Variants in KLHL32 observed in about 807,000 individuals in gnomAD.
The protein encoded by KLHL32 is kelch-like protein 32.
In KLHL32, 35 loss-of-function variants were observed where a neutral mutation model predicts 64.8. The ratio of observed to expected loss-of-function variants is 0.54; its 90% CI spans 0.41 to 0.72. The LOEUF is 0.72. Ranked by LOEUF, KLHL32 falls within the 30% of genes least tolerant of loss-of-function variation. KLHL32 has a pLI of 0.00. For missense variants in KLHL32, 589 were observed against 768.5 expected (o/e 0.77, Z 2.76); for synonymous variants, 259 against 281.0 (o/e 0.92, Z 0.78).
intron 3 of KLHL32, among the ~76,000 whole-genome samples, chr6:97,034,157 A>C (rs1367427120): frequency 6.6e-6 from 1 of 151,912 alleles, no homozygotes; most frequent in Non-Finnish European, 1.5e-5. Context: ...TTCAAGTCTT[A>C]CATTTAAGTC....
chr6:97,062,103 A>G (rs985804868), intron 4 of KLHL32, among the ~76,000 whole-genome samples: 2 of 152,190 alleles, frequency 1.3e-5, no homozygotes, highest in African/African-American at 4.8e-5. Context: ...GACAAAAACA[A>G]TCGCCGTATG....
intron 10 of KLHL32, among the ~76,000 whole-genome samples, chr6:97,133,882 A>G (rs959013843): frequency 2.6e-5 from 4 of 152,334 alleles, no homozygotes; most frequent in South Asian, 4.1e-4. Context: ...CTTAGCATAC[A>G]TGGAACATTT....
intron 1 of KLHL32, among the ~76,000 whole-genome samples, chr6:96,934,876 T>G (rs551063649): frequency 6.6e-6 from 1 of 152,308 alleles, no homozygotes; most frequent in South Asian, 2.1e-4. Context: ...AGGTTAGTAG[T>G]GAACTGCTGC....
At chr6:96,990,341 G>A (rs187540424) in intron 3 of KLHL32, among the ~76,000 whole-genome samples, 65 of 152,216 alleles carry the variant, frequency 4.3e-4, no homozygotes, top group African/African-American at 1.6e-3. Context: ...GTTTTTATGG[G>A]GGTGGGGGTT....
chr6:97,130,919 T>C lies in KLHL32; in HGVS notation c.1576T>C (p.Trp526Arg), dbSNP rs1400512395. ...IDSYNIDTDQ[W>R]TRCNFNLLTG... ...TTCTTACAACATAGACACTGACCAG[T>C]GGACACGTTGTAATTTCAACCTGCT... The change falls in exon 9 of 11, where the codon TGG becomes CGG. Residue 526 changes from tryptophan to arginine, a missense_variant. Trp to Arg is a moderately radical substitution (Grantham distance 101, BLOSUM62 -3). Transcript: ENST00000369261. 1 of 1,612,524 alleles carries C rather than the reference T, an allele frequency of 6.2e-7. No individual in the cohort carries two copies. Among genetic ancestry groups the C allele is most frequent in the Non-Finnish European group, 8.5e-7 (1 of 1,179,464 alleles).
At position 97,085,355 on chromosome 6, in the gene KLHL32, G is replaced by T. The variant is rs759831623; in HGVS notation, c.627+14G>T. On this transcript the variant is annotated intron_variant, in intron 6 of 10. Coordinates refer to ENST00000369261, the MANE Select transcript of KLHL32 (RefSeq NM_052904.4). ...CAGATCTGGCAGGTAAGGGCGCTGT[G>T]CACGGTCGCTTTTGGCACTGAAAAA... 6.2e-7 allele frequency: 1 copy of T among 1,609,242 alleles called. No homozygotes were observed. Among genetic ancestry groups the T allele is most frequent in the Non-Finnish European group, 8.5e-7 (1 of 1,177,470 alleles).
rs1239866620 is a variant in KLHL32, at chr6:97,114,467, T to C, written c.1312T>C (p.Cys438Arg). 6.2e-7 allele frequency: 1 copy of C among 1,614,170 alleles called. No individual in the cohort carries two copies. The highest frequency in any genetic ancestry group is 1.3e-5 in the African/African-American group (1 of 75,068). The change falls in exon 7 of 11, where the codon TGC becomes CGC. Residue 438 changes from cysteine (C) to arginine (R), a missense_variant. Transcript: ENST00000369261. ...FVQSFDRSLS[C>R]HAGYVADGLL... ...TCAGTCCTTTGACAGATCCCTTTCA[T>C]GCCATGCTGGATATGTGGCTGATGG...
chr6:96,928,060 C>T (rs1216315848), intron 1 of KLHL32, among the ~76,000 whole-genome samples: 1 of 152,172 alleles, frequency 6.6e-6, no homozygotes, highest in African/African-American at 2.4e-5. Context: ...TCAACTGTTA[C>T]CTAATGCAGG....
chr6:97,129,517 C>G (rs1343065333), intron 8 of KLHL32, among the ~76,000 whole-genome samples: 1 of 152,176 alleles, frequency 6.6e-6, no homozygotes, highest in Non-Finnish European at 1.5e-5. Flanking sequence ...GTTGGGCATA[C>G]TCTTCCCATT....
intron 8 of KLHL32, among the ~76,000 whole-genome samples, chr6:97,130,032 T>G (rs1299617247): frequency 6.6e-6 from 1 of 152,238 alleles, no homozygotes; most frequent in Non-Finnish European, 1.5e-5. Flanking sequence ...GGTGGTTTGT[T>G]GCTGAACCAA....
chr6:97,025,569 G>A (rs1046847544), intron 3 of KLHL32, among the ~76,000 whole-genome samples: 3 of 152,216 alleles, frequency 2.0e-5, no homozygotes, highest in African/African-American at 7.2e-5. Flanking sequence ...TTGAAGAAGT[G>A]GAGGAGAGGA....
chr6:96,914,230 G>T, the KLHL32 span, among the ~76,000 whole-genome samples: 1 of 152,118 alleles, frequency 6.6e-6, no homozygotes, highest in Non-Finnish European at 1.5e-5. Flanking sequence ...TGAGACCCAT[G>T]CTAGATTTCT....
At chr6:97,105,821 G>A (rs988367618) in intron 6 of KLHL32, among the ~76,000 whole-genome samples, 5 of 152,078 alleles carry the variant, frequency 3.3e-5, no homozygotes, top group Non-Finnish European at 1.5e-5. Context: ...TTCTTTGTTA[G>A]CATTGCTTTA....
the KLHL32 span, among the ~76,000 whole-genome samples, chr6:96,913,886 T>A: frequency 6.6e-6 from 1 of 152,284 alleles, no homozygotes; most frequent in Admixed American, 6.5e-5. Context: ...ATGGATAGAT[T>A]ATATTACCTG....
chr6:96,965,996 C>A (rs1299119816), intron 1 of KLHL32, among the ~76,000 whole-genome samples: 1 of 152,060 alleles, frequency 6.6e-6, no homozygotes. Context: ...GCAGTCATAC[C>A]AATTGAGGGT....
At chr6:96,956,748 T>A (rs1773325009) in intron 1 of KLHL32, among the ~76,000 whole-genome samples, 1 of 152,214 alleles carries the variant, frequency 6.6e-6, no homozygotes, top group Non-Finnish European at 1.5e-5. Flanking sequence ...ATTCTTATAA[T>A]GTTCGATTGT....
At chr6:97,089,025 G>C (rs1261728069) in intron 6 of KLHL32, among the ~76,000 whole-genome samples, 1 of 152,200 alleles carries the variant, frequency 6.6e-6, no homozygotes, top group East Asian at 1.9e-4. Flanking sequence ...CACTAGCATA[G>C]GGAGAAAGTA....
At chr6:97,088,148 G>A (rs147883289) in intron 6 of KLHL32, among the ~76,000 whole-genome samples, 204 of 152,266 alleles carry the variant, frequency 1.3e-3, no homozygotes, top group African/African-American at 3.7e-3. Context: ...AACATAGAGA[G>A]TTGTTCACAT....
the KLHL32 span, among the ~76,000 whole-genome samples, chr6:96,915,570 T>TA: frequency 6.6e-6 from 1 of 151,942 alleles, no homozygotes; most frequent in East Asian, 1.9e-4. Flanking sequence ...TCTTGGGAGA[T>TA]AAAAAGCTGG....
Sources: gnomAD v4.1 joint callset for allele counts (sites outside exome capture counted in the v4.1 genomes callset) on GRCh38, gnomAD v4.1.1 for gene constraint, MANE v1.5 for transcripts, NCBI Gene and HGNC (gene_info 2026-07-23, HGNC 2026-07-21) for gene names.